The following ESRRG variants were observed in gnomAD, a reference collection of about 807,000 sequenced individuals.
The protein encoded by ESRRG is estrogen-related receptor gamma.
Under a neutral mutation model 44.0 loss-of-function variants are expected in ESRRG, and 13 were observed. That is an observed-to-expected ratio of 0.30 (90% CI 0.19 to 0.47). The LOEUF is 0.47. ESRRG is among the 20% of genes least tolerant of loss of function. The probability of loss-of-function intolerance (pLI) is 1.00; values close to 1 mark genes in which losing one functional copy is unlikely to be tolerated. For synonymous variants in ESRRG, 215 were observed against 214.6 expected, an observed-to-expected ratio of 1.00 and a Z score of -0.02; for missense variants, 395 against 580.6, an observed-to-expected ratio of 0.68 and a Z score of 3.29.
chr1:216,661,289 T>C (rs2072327824), intron 2 of ESRRG, among the ~76,000 whole-genome samples: 1 of 152,162 alleles, frequency 6.6e-6, no homozygotes, highest in African/African-American at 2.4e-5. Context: ...ACAAGAAATA[T>C]ATAATGTCTG....
chr1:216,746,474 G>A lies in ESRRG; in HGVS notation c.-13-68983C>T, dbSNP rs147353002. The stretch of plus-strand genomic sequence containing the variant: ...CAAATAGTATGACATCCACATAACC[G>A]TAAATAACAGAAGTTACCAAAGCTA... On this transcript the variant is annotated intron_variant, in intron 2 of 7. Transcript: ENST00000359162. 2.7e-3 allele frequency among the ~76,000 whole-genome samples: 410 copies of A among 152,186 alleles called. 1 individual carries two copies. The highest frequency in any genetic ancestry group is 1.5e-3 in the Non-Finnish European group (102 of 67,998).
chr1:217,009,362 C>T (rs1209269535), intron 1 of ESRRG, among the ~76,000 whole-genome samples: 4 of 152,128 alleles, frequency 2.6e-5, no homozygotes, highest in Non-Finnish European at 5.9e-5. Context: ...GGATGCCACA[C>T]CTTTAAGGGA....
intron 1 of ESRRG, among the ~76,000 whole-genome samples, chr1:217,122,339 G>A (rs2092830333): frequency 6.6e-6 from 1 of 152,144 alleles, no homozygotes; most frequent in Admixed American, 6.5e-5. Context: ...ACCAGAAAAA[G>A]AAAAGCAATC....
rs116299925 is a variant in ESRRG at position 216,924,800 on chromosome 1, G to A, written c.-14+14782C>T. Among the ~76,000 whole-genome samples the A allele has an allele frequency of 5.8e-3, 879 of 152,226 alleles. 10 individuals are homozygous for A. Among genetic ancestry groups the A allele is most frequent in the African/African-American group, 0.02 (837 of 41,536 alleles). On this transcript the variant is annotated intron_variant, in intron 2 of 7. Coordinates refer to the ESRRG transcript ENST00000359162. Reference sequence around the variant, plus strand: ...ATGTGACTTGGGCAAACAGGAAGCCGTAGCGGGTGAGGTGAGAAACTCTAA... The same window carrying A: ...ATGTGACTTGGGCAAACAGGAAGCCATAGCGGGTGAGGTGAGAAACTCTAA...
chr1:216,869,335 T>C (rs534200815), intron 2 of ESRRG, among the ~76,000 whole-genome samples: 14 of 152,266 alleles, frequency 9.2e-5, no homozygotes, highest in African/African-American at 3.1e-4. Context: ...ACAAAATTGC[T>C]TTTGTACCAT....
chr1:216,956,001 G>A (rs759662681), intron 1 of ESRRG, among the ~76,000 whole-genome samples: 16 of 152,056 alleles, frequency 1.1e-4, no homozygotes, highest in Non-Finnish European at 2.1e-4. Flanking sequence ...CCATTTACAG[G>A]TTGTCTTTTG....
intron 2 of ESRRG, among the ~76,000 whole-genome samples, chr1:216,764,634 AC>A (rs1184986597): frequency 5.9e-5 from 9 of 151,988 alleles, no homozygotes; most frequent in Admixed American, 5.9e-4. Flanking sequence ...AGTAGATGGG[AC>A]TATAGGTGTG....
chr1:216,584,587 A>G (rs1165415853), intron 3 of ESRRG, among the ~76,000 whole-genome samples: 1 of 152,204 alleles, frequency 6.6e-6, no homozygotes, highest in Non-Finnish European at 1.5e-5. Flanking sequence ...GGGAAAAAAC[A>G]TAATACATCT....
At chr1:217,117,361 C>T (rs998865894) in intron 1 of ESRRG, among the ~76,000 whole-genome samples, 30 of 152,056 alleles carry the variant, frequency 2.0e-4, no homozygotes, top group Non-Finnish European at 3.1e-4. Context: ...CTGAGGCAGC[C>T]TCACTTGAGG....
chr1:216,809,325 TAAAAAAAA>T (rs201618241), intron 2 of ESRRG, among the ~76,000 whole-genome samples: 3 of 119,136 alleles, frequency 2.5e-5, no homozygotes, highest in African/African-American at 9.6e-5. Flanking sequence ...TTTTTTACAG[TAAAAAAAA>T]AAAAAAAAAA....
At chr1:216,511,547 T>TCACACACACACACAGACACACACACACA (rs2042718412) in intron 6 of ESRRG, among the ~76,000 whole-genome samples, 1 of 144,828 alleles carries the variant, frequency 6.9e-6, no homozygotes, top group Non-Finnish European at 1.5e-5. Context: ...ATACATAAAT[T>TCACACACACACACAGACACACACACACA]CACACACACA....
At chr1:216,797,711 T>C (rs529210883) in intron 2 of ESRRG, among the ~76,000 whole-genome samples, 152 of 152,248 alleles carry the variant, frequency 1.0e-3, no homozygotes, top group African/African-American at 3.6e-3. Context: ...CAGACCTAGA[T>C]GTTGTTTTCA....
At chr1:216,938,359 C>T (rs952873560) in intron 2 of ESRRG, among the ~76,000 whole-genome samples, 64 of 152,194 alleles carry the variant, frequency 4.2e-4, no homozygotes, top group African/African-American at 1.4e-3. Flanking sequence ...AAAACTAAAC[C>T]GATGCTACGC....
chr1:216,884,234 G>A (rs1470329272), intron 2 of ESRRG, among the ~76,000 whole-genome samples: 1 of 152,198 alleles, frequency 6.6e-6, no homozygotes, highest in Non-Finnish European at 1.5e-5. Flanking sequence ...TATATAGTAA[G>A]AACACAGCAT....
chr1:216,538,513 A>G (rs2051685023), intron 5 of ESRRG, among the ~76,000 whole-genome samples: 4 of 152,048 alleles, frequency 2.6e-5, no homozygotes, highest in Admixed American at 2.6e-4. Context: ...AAACCTTTCC[A>G]CTGCTACCGC....
intron 5 of ESRRG, among the ~76,000 whole-genome samples, chr1:216,558,878 G>GTTTTT (rs995962513): frequency 1.4e-4 from 21 of 150,496 alleles, no homozygotes; most frequent in African/African-American, 5.1e-4. Context: ...TTGTTTTTTT[G>GTTTTT]TTTTTTTTGC....
intron 1 of ESRRG, among the ~76,000 whole-genome samples, chr1:217,110,531 T>C (rs7549246): frequency 0.16 from 23,726 of 152,180 alleles, 2,057 homozygotes; most frequent in Middle Eastern, 0.24. Flanking sequence ...CCTGGAAGCA[T>C]GTTGGCATCT....
At chr1:216,600,937 C>G (rs1049171043) in intron 3 of ESRRG, among the ~76,000 whole-genome samples, 1 of 152,214 alleles carries the variant, frequency 6.6e-6, no homozygotes, top group Non-Finnish European at 1.5e-5. Context: ...TCTTTCCTGT[C>G]TGAACACAGA....
At chr1:216,512,491 A>G (rs1485961560) in intron 6 of ESRRG, among the ~76,000 whole-genome samples, 1 of 152,198 alleles carries the variant, frequency 6.6e-6, no homozygotes, top group East Asian at 1.9e-4. Context: ...GCAAGACTAA[A>G]TTGTAGTAAC....
Sources: gnomAD v4.1 joint callset for allele counts (sites outside exome capture counted in the v4.1 genomes callset) on GRCh38, gnomAD v4.1.1 for gene constraint, MANE v1.5 for transcripts, NCBI Gene and HGNC (gene_info 2026-07-23, HGNC 2026-07-21) for gene names.